The following CPNE8 variants were observed in gnomAD, a reference collection of about 807,000 sequenced individuals.
CPNE8 encodes the protein copine-8.
Under a neutral mutation model 81.5 loss-of-function variants are expected in CPNE8, and 45 were observed. The observed-to-expected ratio is 0.55, with a 90% CI of 0.44 to 0.71. The LOEUF is 0.71. CPNE8 is among the 30% of genes least tolerant of loss of function. The pLI is 0.00. For synonymous variants in CPNE8, 252 were observed against 226.3 expected (o/e 1.11, Z -1.02); for missense variants, 594 against 672.1 (o/e 0.88, Z 1.28).
intron 8 of CPNE8, among the ~76,000 whole-genome samples, chr12:38,763,962 T>C (rs918729352): frequency 1.3e-5 from 2 of 152,098 alleles, no homozygotes; most frequent in Non-Finnish European, 2.9e-5. Flanking sequence ...AGAGATAAGA[T>C]AGAAACATAA....
At chr12:38,807,895 C>G (rs528561411) in intron 6 of CPNE8, among the ~76,000 whole-genome samples, 1 of 151,630 alleles carries the variant, frequency 6.6e-6, no homozygotes, top group Admixed American at 6.6e-5. Context: ...TGAACTCCAA[C>G]AAATTTACAA....
At chr12:38,715,589 C>A (rs1940366250) in intron 13 of CPNE8, among the ~76,000 whole-genome samples, 1 of 151,946 alleles carries the variant, frequency 6.6e-6, no homozygotes, top group African/African-American at 2.4e-5. Context: ...TGAAATCCAG[C>A]ATTGCTTTAT....
At chr12:38,837,462 A>C (rs967728532) in intron 5 of CPNE8, among the ~76,000 whole-genome samples, 1 of 152,148 alleles carries the variant, frequency 6.6e-6, no homozygotes, top group African/African-American at 2.4e-5. Flanking sequence ...AGGGATAAAC[A>C]CTTGAGGGTC....
At chr12:38,748,347 T>C (rs1941281885) in intron 10 of CPNE8, among the ~76,000 whole-genome samples, 1 of 152,178 alleles carries the variant, frequency 6.6e-6, no homozygotes, top group Non-Finnish European at 1.5e-5. Flanking sequence ...TTCCTTTTGA[T>C]GGAAGTACCA....
rs146443019 is a variant in CPNE8, at chr12:38,765,051, A to T, written c.575+2584T>A. Among the ~76,000 whole-genome samples the T allele has an allele frequency of 4.9e-3, 750 of 152,312 alleles. 5 individuals carry two copies. Among genetic ancestry groups the T allele is most frequent in the African/African-American group, 0.017 (698 of 41,550 alleles). On this transcript the variant is annotated intron_variant, in intron 8 of 19. Transcript: ENST00000331366. ...GTAATTAAATACTTTTGACACTTGA[A>T]ACATTTCCTCTGAGGGAAGGCATGT...
At chr12:38,774,640 G>C (rs556317596) in intron 7 of CPNE8, among the ~76,000 whole-genome samples, 1 of 151,926 alleles carries the variant, frequency 6.6e-6, no homozygotes, top group South Asian at 2.1e-4. Context: ...CTAGTGATTA[G>C]TTCACATTTT....
intron 16 of CPNE8, among the ~76,000 whole-genome samples, chr12:38,680,651 C>T (rs1939389608): frequency 6.6e-6 from 1 of 151,968 alleles, no homozygotes; most frequent in Non-Finnish European, 1.5e-5. Flanking sequence ...ATGGAAATGA[C>T]ACTACTGTCA....
intron 8 of CPNE8, among the ~76,000 whole-genome samples, chr12:38,764,862 A>AAGAG (rs150812861): frequency 6.7e-6 from 1 of 149,898 alleles, no homozygotes; most frequent in Non-Finnish European, 1.5e-5. Flanking sequence ...AGATGACAGG[A>AAGAG]AGAGAGAGAG....
chr12:38,836,634 A>G (rs1943385479), intron 5 of CPNE8, among the ~76,000 whole-genome samples: 1 of 152,316 alleles, frequency 6.6e-6, no homozygotes, highest in Admixed American at 6.5e-5. Flanking sequence ...TGCCACATGC[A>G]ACCTGGGCAC....
chr12:38,703,581 C>T (rs1272150918), intron 13 of CPNE8, among the ~76,000 whole-genome samples: 2 of 152,076 alleles, frequency 1.3e-5, no homozygotes, highest in Non-Finnish European at 2.9e-5. Flanking sequence ...ACTCCTATTC[C>T]ACATAGTATT....
At chr12:38,756,694 TAAG>T (rs988081920) in intron 10 of CPNE8, among the ~76,000 whole-genome samples, 2 of 152,186 alleles carry the variant, frequency 1.3e-5, no homozygotes, top group Non-Finnish European at 2.9e-5. Flanking sequence ...CCCCATTTTA[TAAG>T]GAGTCAATTC....
At chr12:38,836,255 T>TA (rs1565641908) in intron 5 of CPNE8, among the ~76,000 whole-genome samples, 1 of 152,126 alleles carries the variant, frequency 6.6e-6, no homozygotes, top group South Asian at 2.1e-4. Context: ...ATAAATCTTC[T>TA]AAAAAAGATG....
intron 9 of CPNE8, among the ~76,000 whole-genome samples, chr12:38,761,118 C>CA (rs1305901586): frequency 2.6e-5 from 4 of 152,152 alleles, no homozygotes; most frequent in African/African-American, 9.7e-5. Flanking sequence ...GGAGAGTCTA[C>CA]AGGGGAAGCA....
chr12:38,792,127 C>T (rs1278106257), intron 6 of CPNE8, among the ~76,000 whole-genome samples: 1 of 150,484 alleles, frequency 6.6e-6, no homozygotes, highest in Non-Finnish European at 1.5e-5. Context: ...TATATATTTA[C>T]AAAAAGAAAG....
chr12:38,721,662 T>C (rs1026693052), intron 13 of CPNE8, among the ~76,000 whole-genome samples: 1 of 152,178 alleles, frequency 6.6e-6, no homozygotes, highest in Non-Finnish European at 1.5e-5. Flanking sequence ...TTGCTCACCA[T>C]GTTGCAGGCA....
intron 1 of CPNE8, among the ~76,000 whole-genome samples, chr12:38,889,546 T>G (rs189062921): frequency 5.3e-5 from 8 of 152,204 alleles, no homozygotes; most frequent in Admixed American, 4.6e-4. Flanking sequence ...GGCTGAAAAT[T>G]TAAGTCAGGG....
chr12:38,790,449 G>GGTA (rs1487430055), intron 6 of CPNE8, among the ~76,000 whole-genome samples: 2 of 151,624 alleles, frequency 1.3e-5, no homozygotes, highest in African/African-American at 4.8e-5. Flanking sequence ...TGCTGAGAAG[G>GGTA]GTAGTAGGTG....
At chr12:38,797,846 G>A (rs1338224077) in intron 6 of CPNE8, among the ~76,000 whole-genome samples, 1 of 152,118 alleles carries the variant, frequency 6.6e-6, no homozygotes, top group East Asian at 1.9e-4. Flanking sequence ...ATACAGAAAA[G>A]TGCTTAAAGG....
At chr12:38,751,411 T>C (rs1016270387) in intron 10 of CPNE8, among the ~76,000 whole-genome samples, 8 of 152,206 alleles carry the variant, frequency 5.3e-5, no homozygotes, top group African/African-American at 1.9e-4. Flanking sequence ...TCTTTATACA[T>C]TAAAGAAATC....
Sources: gnomAD v4.1 joint callset for allele counts (sites outside exome capture counted in the v4.1 genomes callset) on GRCh38, gnomAD v4.1.1 for gene constraint, MANE v1.5 for transcripts, NCBI Gene and HGNC (gene_info 2026-07-23, HGNC 2026-07-21) for gene names.